The following PLXNA4 variants were observed in gnomAD, a reference collection of about 807,000 sequenced individuals.
PLXNA4 encodes the protein plexin-A4.
PLXNA4 carries 44 observed loss-of-function variants against 191.8 expected under a neutral mutation model. The ratio of observed to expected loss-of-function variants is 0.23; its 90% CI spans 0.18 to 0.29. PLXNA4 has a LOEUF of 0.29. Among genes scored for constraint, PLXNA4 ranks in the 10% least tolerant of loss-of-function variants. The pLI, the probability that PLXNA4 is intolerant of heterozygous loss-of-function variation, is 1.00. For synonymous variants in PLXNA4, 1,082 were observed against 1,009.5 expected, an observed-to-expected ratio of 1.07 and a Z score of -1.36; for missense variants, 1,800 against 2,488.8, an observed-to-expected ratio of 0.72 and a Z score of 5.89.
At chr7:132,340,737 A>G (rs1246514091) in intron 3 of PLXNA4, among the ~76,000 whole-genome samples, 1 of 152,180 alleles carries the variant, frequency 6.6e-6, no homozygotes, top group Non-Finnish European at 1.5e-5. Context: ...GAGTGCAGTG[A>G]TGTGATCTCA....
chr7:132,384,577 GC>G, intron 3 of PLXNA4: 1 of 988,708 alleles, frequency 1.0e-6, no homozygotes, highest in Non-Finnish European at 1.2e-6. Context: ...TGCCAACAGA[GC>G]TTTTGCACAT....
intron 13 of PLXNA4, among the ~76,000 whole-genome samples, chr7:132,194,526 C>G (rs1797193547): frequency 6.6e-6 from 1 of 152,142 alleles, no homozygotes; most frequent in Non-Finnish European, 1.5e-5. Flanking sequence ...TGGCAGAGTC[C>G]AGAGAGGCAA....
At chr7:132,263,255 G>A (rs1191325055) in intron 4 of PLXNA4, among the ~76,000 whole-genome samples, 1 of 152,148 alleles carries the variant, frequency 6.6e-6, no homozygotes, top group Non-Finnish European at 1.5e-5. Flanking sequence ...CCACCAGTGG[G>A]GTGGGGACTG....
At chr7:132,287,181 C>T (rs965448778) in intron 4 of PLXNA4, among the ~76,000 whole-genome samples, 4 of 152,224 alleles carry the variant, frequency 2.6e-5, no homozygotes, top group East Asian at 1.9e-4. Context: ...ACTATAGGCA[C>T]GCACAATAAG....
chr7:132,154,945 T>C (rs2116610726), intron 25 of PLXNA4, among the ~76,000 whole-genome samples: 1 of 152,324 alleles, frequency 6.6e-6, no homozygotes, highest in Non-Finnish European at 1.5e-5. Flanking sequence ...AAAATCCCAT[T>C]ATCTTTATCT....
Position 132,129,902 on chromosome 7 carries a change from C to G in PLXNA4, c.*577G>C, listed in dbSNP as rs1171492301. 6.5e-6 allele frequency: 1 copy of G among 154,926 alleles called. No homozygotes were observed. The highest frequency in any genetic ancestry group is 1.4e-5 in the Non-Finnish European group (1 of 69,486). The allele number at this position is 154,926 out of a possible 1,614,324, so 9.6% of individuals were successfully genotyped here. On this transcript the variant is annotated 3_prime_UTR_variant, in exon 32 of 32. Transcript: ENST00000321063. Reference sequence around the variant, plus strand: ...GCTGCCCACACATGCCCTGCTCCAGCCACATGCAGGAGGTGTAGCCTTTCT... The same window carrying G: ...GCTGCCCACACATGCCCTGCTCCAGGCACATGCAGGAGGTGTAGCCTTTCT...
chr7:132,483,712 G>C (rs993657174), intron 3 of PLXNA4, among the ~76,000 whole-genome samples: 2 of 152,138 alleles, frequency 1.3e-5, no homozygotes, highest in Non-Finnish European at 2.9e-5. Flanking sequence ...ATTCAAAAAA[G>C]TGGCACACGT....
chr7:132,292,074 C>T (rs1437902678), intron 4 of PLXNA4, among the ~76,000 whole-genome samples: 2 of 152,164 alleles, frequency 1.3e-5, no homozygotes, highest in Non-Finnish European at 2.9e-5. Flanking sequence ...GGATTGCAGG[C>T]GTGAGCCCCC....
At chr7:132,130,777 A>G (rs1322286647) in intron 31 of PLXNA4, among the ~76,000 whole-genome samples, 2 of 152,208 alleles carry the variant, frequency 1.3e-5, no homozygotes, top group Non-Finnish European at 2.9e-5. Context: ...GAGCATCAGC[A>G]TGGCAGTGAG....
rs548914998 is a variant in PLXNA4 at position 132,636,480 on chromosome 7, C to A, written c.-87+9448G>T. Among the ~76,000 whole-genome samples the A allele has an allele frequency of 5.9e-5, 9 of 152,224 alleles. 1 individual carries two copies. Among genetic ancestry groups the A allele is most frequent in the African/African-American group, 1.9e-4 (8 of 41,546 alleles). ...CAGAGACCACATCAAGGAAGAGCCC[C>A]CCCAGGAGTGATTGGTTATTATCCC... On this transcript the variant is annotated intron_variant, in intron 2 of 4. Transcript: ENST00000378539.
At chr7:132,323,071 C>T (rs1802235235) in intron 3 of PLXNA4, among the ~76,000 whole-genome samples, 1 of 152,162 alleles carries the variant, frequency 6.6e-6, no homozygotes, top group African/African-American at 2.4e-5. Context: ...TGGAAATTCA[C>T]AGAGGGAAAA....
chr7:132,620,134 C>A (rs1292303929), intron 2 of PLXNA4, among the ~76,000 whole-genome samples: 1 of 152,082 alleles, frequency 6.6e-6, no homozygotes, highest in Non-Finnish European at 1.5e-5. Context: ...TTTGATGGTA[C>A]CATGTTTAAG....
At chr7:132,194,785 C>T (rs756059469) in intron 13 of PLXNA4, among the ~76,000 whole-genome samples, 31 of 152,088 alleles carry the variant, frequency 2.0e-4, no homozygotes, top group Non-Finnish European at 3.7e-4. Flanking sequence ...TTTGTTTATA[C>T]CCTTTGAAAA....
chr7:132,313,108 C>T (rs1801809994), intron 3 of PLXNA4, among the ~76,000 whole-genome samples: 1 of 152,210 alleles, frequency 6.6e-6, no homozygotes, highest in African/African-American at 2.4e-5. Context: ...TCCTGAGCTC[C>T]AACCTCCCTC....
At chr7:132,512,940 T>G (rs1371263681) in intron 1 of PLXNA4, among the ~76,000 whole-genome samples, 1 of 152,332 alleles carries the variant, frequency 6.6e-6, no homozygotes, top group East Asian at 1.9e-4. Context: ...TAAAGGCAAG[T>G]AATGGGACCA....
At chr7:132,250,067 C>A (rs1278551656) in intron 4 of PLXNA4, among the ~76,000 whole-genome samples, 1 of 152,190 alleles carries the variant, frequency 6.6e-6, no homozygotes, top group African/African-American at 2.4e-5. Context: ...AAAAACAGAC[C>A]TGGGTTTGGA....
chr7:132,293,301 G>T (rs1563016884), intron 4 of PLXNA4, among the ~76,000 whole-genome samples: 1 of 152,200 alleles, frequency 6.6e-6, no homozygotes, highest in Non-Finnish European at 1.5e-5. Flanking sequence ...AGAAAAAGAG[G>T]TTTAATGGAC....
chr7:132,358,018 AT>A (rs966283113), intron 3 of PLXNA4, among the ~76,000 whole-genome samples: 1 of 152,218 alleles, frequency 6.6e-6, no homozygotes, highest in East Asian at 1.9e-4. Flanking sequence ...ACAACAATAT[AT>A]TTTTTTCCCA....
rs780960334 is a variant in PLXNA4, at chr7:132,298,269, G to A, written c.1372-47C>T. The A allele has an allele frequency of 8.3e-6, 13 of 1,569,052 alleles. No individual in the cohort carries two copies. The East Asian group carries it at 2.9e-4, about 35-fold the overall frequency. On this transcript the variant is annotated intron_variant, in intron 3 of 31. Transcript: ENST00000321063. ...CCAAAGTGAGTTCAGATCCTGCACT[G>A]CCCACAGCCAAACTTCAGCCAAAGA...
Sources: allele counts gnomAD v4.1 joint callset (sites outside exome capture counted in the v4.1 genomes callset), GRCh38; gene constraint gnomAD v4.1.1; transcripts MANE v1.5; gene names NCBI Gene and HGNC (gene_info 2026-07-23, HGNC 2026-07-21).